The following KIAA1217 variants were observed in gnomAD, a reference collection of about 807,000 sequenced individuals.
KIAA1217 encodes the protein KIAA1217, also known as sickle tail protein homolog.
Under a neutral mutation model 163.9 loss-of-function variants are expected in KIAA1217, and 88 were observed. The observed-to-expected ratio is 0.54, with a 90% CI of 0.45 to 0.64. The LOEUF (loss-of-function observed/expected upper bound fraction) is 0.64, where lower values mean the gene tolerates loss of function less well. Among genes scored for constraint, KIAA1217 ranks in the 30% least tolerant of loss-of-function variants. The probability of loss-of-function intolerance (pLI) is 0.00; values close to 1 mark genes in which losing one functional copy is unlikely to be tolerated. For synonymous variants in KIAA1217, 903 were observed against 923.1 expected, an observed-to-expected ratio of 0.98 and a Z score of 0.39; for missense variants, 2,372 against 2,475.0, an observed-to-expected ratio of 0.96 and a Z score of 0.88.
intron 2 of KIAA1217, among the ~76,000 whole-genome samples, chr10:24,050,820 A>G (rs2131581275): frequency 6.6e-6 from 1 of 152,272 alleles, no homozygotes; most frequent in African/African-American, 2.4e-5. Context: ...ATGTCTTCTA[A>G]CTCAATGCTT....
intron 2 of KIAA1217, among the ~76,000 whole-genome samples, chr10:24,034,828 C>T (rs923020568): frequency 6.6e-6 from 1 of 152,338 alleles, no homozygotes. Flanking sequence ...GCTGCCTTCC[C>T]ATCTGCTCTT....
chr10:24,460,937 C>A (rs2062339327), intron 5 of KIAA1217, among the ~76,000 whole-genome samples: 1 of 152,154 alleles, frequency 6.6e-6, no homozygotes, highest in East Asian at 1.9e-4. Context: ...TAGTAAGAAG[C>A]TGAGACCACA....
At position 24,438,480 on chromosome 10, in the gene KIAA1217, G is replaced by T; in HGVS notation, c.846+1G>T. 1 of 1,598,346 alleles carries T rather than the reference G, an allele frequency of 6.3e-7. No individual in the cohort carries two copies. The highest frequency in any genetic ancestry group is 8.6e-7 in the Non-Finnish European group (1 of 1,165,680). ...AAAAACTATGAATGGAGACATGAGGGTAAGTGTTTCTGTCATATTTTTACT... is the reference window on the plus strand; with the variant it reads ...AAAAACTATGAATGGAGACATGAGGTTAAGTGTTTCTGTCATATTTTTACT... On this transcript the variant is annotated splice_donor_variant, in intron 5 of 20. Coordinates refer to ENST00000376454, the MANE Select transcript of KIAA1217 (RefSeq NM_019590.5). LOFTEE classifies it high-confidence loss of function.
chr10:24,339,868 C>A (rs938417604), intron 2 of KIAA1217, among the ~76,000 whole-genome samples: 1 of 152,208 alleles, frequency 6.6e-6, no homozygotes, highest in African/African-American at 2.4e-5. Context: ...TAGTCTGTCT[C>A]CCAAAACAGA....
At chr10:23,951,691 A>G (rs573184287) in intron 1 of KIAA1217, among the ~76,000 whole-genome samples, 23 of 152,206 alleles carry the variant, frequency 1.5e-4, no homozygotes, top group Admixed American at 2.6e-4. Flanking sequence ...CTGTGTCCAA[A>G]TGCCATGATG....
chr10:24,430,309 T>A (rs1176877749), intron 3 of KIAA1217, among the ~76,000 whole-genome samples: 1 of 152,172 alleles, frequency 6.6e-6, no homozygotes, highest in Non-Finnish European at 1.5e-5. Context: ...ATCCAGTGTG[T>A]TTGATGTGGA....
chr10:24,087,518 G>C (rs1464550194), intron 2 of KIAA1217, among the ~76,000 whole-genome samples: 2 of 152,136 alleles, frequency 1.3e-5, no homozygotes, highest in African/African-American at 4.8e-5. Context: ...TTTGTTACAG[G>C]TTTTCTCTGC....
intron 2 of KIAA1217, among the ~76,000 whole-genome samples, chr10:24,196,656 TCCTGCTGGTGACAGTTGCGTC>T (rs1446782233): frequency 6.6e-6 from 1 of 152,192 alleles, no homozygotes; most frequent in African/African-American, 2.4e-5. Context: ...GGGTTTGCGT[TCCTGCTGGTGACAGTTGCGTC>T]CCCTTGGACT....
At chr10:24,199,055 T>TA (rs1408006094) in intron 2 of KIAA1217, among the ~76,000 whole-genome samples, 14 of 152,188 alleles carry the variant, frequency 9.2e-5, no homozygotes, top group African/African-American at 3.1e-4. Context: ...CCCATTTCTA[T>TA]AAAAAATTTG....
chr10:24,135,120 T>C (rs1240311847), intron 2 of KIAA1217, among the ~76,000 whole-genome samples: 1 of 152,180 alleles, frequency 6.6e-6, no homozygotes, highest in Admixed American at 6.5e-5. Context: ...CTCCTGTTTC[T>C]TCATCTGTAA....
intron 2 of KIAA1217, among the ~76,000 whole-genome samples, chr10:24,240,176 T>C (rs2072891131): frequency 6.6e-6 from 1 of 152,124 alleles, no homozygotes; most frequent in African/African-American, 2.4e-5. Context: ...TGTGGATCTG[T>C]GAGTTAGCTG....
chr10:24,365,521 T>G (rs930218987), intron 2 of KIAA1217, among the ~76,000 whole-genome samples: 2 of 152,166 alleles, frequency 1.3e-5, no homozygotes, highest in Non-Finnish European at 2.9e-5. Context: ...GGGTATTTCT[T>G]TCACAGTTGA....
chr10:23,904,418 G>A (rs933050228), intron 1 of KIAA1217, among the ~76,000 whole-genome samples: 1 of 152,100 alleles, frequency 6.6e-6, no homozygotes, highest in Non-Finnish European at 1.5e-5. Context: ...GTCGGGATAG[G>A]CTATGTTTTA....
intron 2 of KIAA1217, among the ~76,000 whole-genome samples, chr10:24,294,506 A>G (rs1010783494): frequency 2.0e-5 from 3 of 152,152 alleles, no homozygotes; most frequent in Non-Finnish European, 4.4e-5. Context: ...TGCTACTTTC[A>G]TTAGGCAAGT....
chr10:24,263,079 T>C (rs1238561604), intron 2 of KIAA1217, among the ~76,000 whole-genome samples: 1 of 152,214 alleles, frequency 6.6e-6, no homozygotes, highest in Admixed American at 6.5e-5. Flanking sequence ...CACTTTATGC[T>C]GTCTCTGAGG....
intron 1 of KIAA1217, among the ~76,000 whole-genome samples, chr10:23,967,071 C>T (rs1006368828): frequency 2.0e-5 from 3 of 151,832 alleles, no homozygotes; most frequent in Non-Finnish European, 4.4e-5. Flanking sequence ...AAAGAAAAAA[C>T]ACTTGGAAAT....
At chr10:24,414,156 G>T (rs1299708710) in intron 3 of KIAA1217, among the ~76,000 whole-genome samples, 1 of 152,130 alleles carries the variant, frequency 6.6e-6, no homozygotes. Flanking sequence ...TTTATTTAAG[G>T]ATCAAGATAA....
chr10:23,932,221 AG>A (rs1564543381), intron 1 of KIAA1217, among the ~76,000 whole-genome samples: 2 of 152,180 alleles, frequency 1.3e-5, no homozygotes, highest in African/African-American at 4.8e-5. Flanking sequence ...CATTTGGTGG[AG>A]AAAGGGGTTG....
At chr10:24,445,056 A>T (rs1467378162) in intron 5 of KIAA1217, among the ~76,000 whole-genome samples, 1 of 152,236 alleles carries the variant, frequency 6.6e-6, no homozygotes, top group Non-Finnish European at 1.5e-5. Flanking sequence ...TTCTAGATAG[A>T]AGATAGCAAA....
Sources: allele counts gnomAD v4.1 joint callset (sites outside exome capture counted in the v4.1 genomes callset), GRCh38; gene constraint gnomAD v4.1.1; transcripts MANE v1.5; gene names NCBI Gene and HGNC (gene_info 2026-07-23, HGNC 2026-07-21).